Variants in LPA observed in about 807,000 individuals in gnomAD.
The protein encoded by LPA is apolipoprotein(a).
Under a neutral mutation model 197.9 loss-of-function variants are expected in LPA, and 199 were observed. The observed-to-expected ratio is 1.01, with a 90% CI of 0.90 to 1.13. LPA has a LOEUF of 1.13. LPA is among the 50% of genes most tolerant of loss of function. LPA has a pLI of 0.00. For synonymous variants in LPA, 715 were observed against 639.5 expected (o/e 1.12, Z -1.78); for missense variants, 1,853 against 1,785.8 (o/e 1.04, Z -0.68).
At chr6:160,567,486 T>A (rs1022319711) in intron 28 of LPA, among the ~76,000 whole-genome samples, 2 of 152,120 alleles carry the variant, frequency 1.3e-5, no homozygotes, top group Admixed American at 6.6e-5. Context: ...CTGGGACACA[T>A]TTAAAGCAGT....
At chr6:160,569,102 T>C (rs1036183609) in intron 28 of LPA, among the ~76,000 whole-genome samples, 2 of 152,166 alleles carry the variant, frequency 1.3e-5, no homozygotes, top group Admixed American at 1.3e-4. Flanking sequence ...AAGCTACCAA[T>C]GACTTTCTTC....
At position 160,659,119 on chromosome 6, in the gene LPA, T is replaced by C. The variant is rs144495039; in HGVS notation, c.49+5047A>G. Among the ~76,000 whole-genome samples the C allele has an allele frequency of 6.0e-4, 91 of 152,208 alleles. No homozygotes were observed. In the East Asian group the frequency reaches 0.015, roughly 25 times the overall value. The stretch of plus-strand genomic sequence containing the variant: ...GTCCGATGTTCAAGAGCAGGAAGGA[T>C]CCAGCACAGGAGAAAGATGTAGGCT... On this transcript the variant is annotated intron_variant, in intron 1 of 38. Coordinates refer to ENST00000316300, the MANE Select transcript of LPA (RefSeq NM_005577.4).
intron 26 of LPA, among the ~76,000 whole-genome samples, chr6:160,581,837 T>C (rs916749157): frequency 3.3e-5 from 5 of 152,212 alleles, no homozygotes; most frequent in Non-Finnish European, 7.3e-5. Context: ...TCTATAAGCA[T>C]GATGTGTCTT....
intron 24 of LPA, among the ~76,000 whole-genome samples, chr6:160,587,636 A>C (rs1481590769): frequency 6.6e-6 from 1 of 152,036 alleles, no homozygotes. Context: ...CTTCAAGTAT[A>C]ATGTCTGTCA....
At chr6:160,611,524 G>A (rs1370094891) in intron 16 of LPA, 38 bp downstream of exon 16, 15 of 1,606,106 alleles carry the variant, frequency 9.3e-6, no homozygotes, top group East Asian at 2.2e-5. Flanking sequence ...AACTTCAGTT[G>A]GCCCTTTATT....
intron 1 of LPA, among the ~76,000 whole-genome samples, chr6:160,655,063 T>C (rs533952235): frequency 2.6e-5 from 4 of 152,292 alleles, no homozygotes; most frequent in African/African-American, 7.2e-5. Flanking sequence ...CCCGATCACA[T>C]ACACACCACT....
In LPA at chr6:160,589,567, T is replaced by C. The variant is rs768235276; in HGVS notation, c.3933A>G (p.Glu1311=). The C allele has an allele frequency of 1.9e-6, 3 of 1,613,802 alleles. No individual in the cohort carries two copies. Among genetic ancestry groups the C allele is most frequent in the Non-Finnish European group, 2.5e-6 (3 of 1,179,816 alleles). Reference sequence around the variant, plus strand: ...CAAAGACATACCCATTTGGGTAGTATTCTGTGGTTCTCTGATGCCAGTGTG... The same window carrying C: ...CAAAGACATACCCATTTGGGTAGTACTCTGTGGTTCTCTGATGCCAGTGTG... ...MTPHWHQRTT[E]YYPNGGLTRN... Residue 1311 remains glutamate (E), a synonymous_variant, in exon 24 of 39, where the codon GAA becomes GAG. Coordinates refer to ENST00000316300, the MANE Select transcript of LPA (RefSeq NM_005577.4).
At chr6:160,652,070 C>A (rs1780016821) in intron 1 of LPA, among the ~76,000 whole-genome samples, 1 of 144,030 alleles carries the variant, frequency 6.9e-6, no homozygotes. Flanking sequence ...TATGAATGAT[C>A]TAACATTTGA....
chr6:160,550,778 C>A (rs1010939342), intron 30 of LPA, among the ~76,000 whole-genome samples: 7 of 152,320 alleles, frequency 4.6e-5, no homozygotes, highest in Admixed American at 6.5e-5. Context: ...CATCAATAGA[C>A]TCATACATAA....
chr6:160,578,797 C>T (rs1485835778), intron 26 of LPA, 93 bp from the exon 27 acceptor site: 2 of 1,575,806 alleles, frequency 1.3e-6, no homozygotes, highest in African/African-American at 2.7e-5. Flanking sequence ...AAAGTGTTAA[C>T]AAGTGCCTTT....
chr6:160,610,623 C>T (rs1201166138), intron 16 of LPA, among the ~76,000 whole-genome samples: 1 of 152,160 alleles, frequency 6.6e-6, no homozygotes, highest in African/African-American at 2.4e-5. Flanking sequence ...GAGGAGACTT[C>T]TATGCGTATT....
intron 26 of LPA, among the ~76,000 whole-genome samples, chr6:160,580,367 G>T (rs1778770360): frequency 6.6e-6 from 1 of 152,120 alleles, no homozygotes; most frequent in Admixed American, 6.5e-5. Flanking sequence ...AAGCTGCTAT[G>T]AATATTTATA....
intron 1 of LPA, among the ~76,000 whole-genome samples, chr6:160,658,871 A>G (rs1022635571): frequency 7.5e-5 from 2 of 26,644 alleles, no homozygotes; most frequent in African/African-American, 2.1e-4. Context: ...AACTAATAGG[A>G]GATTATATAT....
chr6:160,586,398 C>A lies in LPA; in HGVS notation c.4129+51G>T, dbSNP rs779983651. The A allele has an allele frequency of 1.3e-5, 21 of 1,605,422 alleles. No homozygotes were observed. In the East Asian group the frequency reaches 1.8e-4, roughly 14 times the overall value. Reference sequence around the variant, plus strand: ...TCTGCATCACAAAGATTTTGCAAATCTTTTTATCCCAATGTCCGAGGGTAT... The same window carrying A: ...TCTGCATCACAAAGATTTTGCAAATATTTTTATCCCAATGTCCGAGGGTAT... On this transcript the variant is annotated intron_variant, in intron 25 of 38. Coordinates refer to ENST00000316300, the MANE Select transcript of LPA (RefSeq NM_005577.4).
At chr6:160,596,893 C>G (rs1015025710) in intron 20 of LPA, among the ~76,000 whole-genome samples, 1 of 152,164 alleles carries the variant, frequency 6.6e-6, no homozygotes, top group African/African-American at 2.4e-5. Context: ...TATTCTTACT[C>G]AGTTCAAAAC....
rs1316328522 is a variant in LPA, at chr6:160,555,300, T to TTA, written c.4973+724_4973+725insTA. Among the ~76,000 whole-genome samples the TTA allele has an allele frequency of 2.2e-3, 311 of 140,008 alleles. 3 individuals are homozygous for TTA. The highest frequency in any genetic ancestry group is 8.0e-3 in the African/African-American group (300 of 37,478). 91.9% of individuals were successfully genotyped at this position (140,008 alleles called of 152,430 possible). A position where few individuals can be genotyped will look rare whatever the true frequency, so the allele number is the denominator to read the frequency against. On this transcript the variant is annotated intron_variant, in intron 30 of 38. Coordinates refer to ENST00000316300, the MANE Select transcript of LPA (RefSeq NM_005577.4). ...TTATATTATATTATATGTTAGTGTG[T>TTA]GTGTGTGTGTGTGTGTGTGTGTATG...
chr6:160,651,426 A>G (rs188711287), intron 1 of LPA, among the ~76,000 whole-genome samples: 1 of 152,326 alleles, frequency 6.6e-6, no homozygotes, highest in Admixed American at 6.5e-5. Context: ...GCAGCAACCC[A>G]TCACTGGAGG....
intron 35 of LPA, 94 bp downstream of exon 35, chr6:160,541,013 A>T (rs1777972693): frequency 9.7e-7 from 1 of 1,027,590 alleles, no homozygotes; most frequent in Non-Finnish European, 1.5e-6. Context: ...GGGAGGAAGG[A>T]AGGGGAGGGT....
In LPA at chr6:160,599,609, G is replaced by C. The variant is rs113020022; in HGVS notation, c.3178C>G (p.Gln1060Glu). 21 of 1,614,018 alleles carry C rather than the reference G, an allele frequency of 1.3e-5. No homozygotes were observed. The highest frequency in any genetic ancestry group is 1.6e-5 in the Non-Finnish European group (19 of 1,180,004). Residue 1060 changes from glutamine to glutamate, a missense_variant, in exon 20 of 39, where the codon CAG becomes GAG. Gln to Glu is a conservative substitution (Grantham distance 29). Transcript: ENST00000316300. ...GVQDCYYHYG[Q>E]SYRGTYSTTV... is the part of the protein sequence containing the mutation. ...GTGGAGTATGTGCCTCGGTAACTCT[G>C]TCCATAATGGTAGTAGCAGTCCTGT...
Sources: gnomAD v4.1 joint callset for allele counts (sites outside exome capture counted in the v4.1 genomes callset) on GRCh38, gnomAD v4.1.1 for gene constraint, MANE v1.5 for transcripts, NCBI Gene and HGNC (gene_info 2026-07-23, HGNC 2026-07-21) for gene names.